The following ACSS1 variants were observed in gnomAD, a reference collection of about 807,000 sequenced individuals.
ACSS1 encodes the protein acyl-CoA synthetase short chain family member 1, also known as acetyl-coenzyme A synthetase 2-like, mitochondrial.
A neutral mutation model predicts 75.3 loss-of-function variants in ACSS1; 42 were observed. That is an observed-to-expected ratio of 0.56 (90% CI 0.44 to 0.72). The LOEUF is 0.72. ACSS1 is among the 30% of genes least tolerant of loss of function. The pLI, the probability that ACSS1 is intolerant of heterozygous loss-of-function variation, is 0.00. For missense variants in ACSS1, 782 were observed against 935.7 expected (o/e 0.84, Z 2.14); for synonymous variants, 380 against 376.8 (o/e 1.01, Z -0.10).
chr20:25,046,782 G>T (rs2089098678), intron 2 of ACSS1: 3 of 779,344 alleles, frequency 3.8e-6, no homozygotes, highest in East Asian at 2.4e-5. Flanking sequence ...GGGGCCACCT[G>T]GGGGGCCGCT....
At position 25,022,944 on chromosome 20, in the gene ACSS1, T is replaced by C. The variant is rs1329959962; in HGVS notation, c.956A>G (p.His319Arg). ...AGYLLYAALT[H>R]KLVFDHQPGD... is the part of the protein sequence containing the mutation. The stretch of plus-strand genomic sequence containing the variant: ...ACCGCCCGCACAGGCCTGTACCTTG[T>C]GAGTCAGGGCGGCATAGAGCAGGTA... The change falls in exon 5 of 14, where the codon CAC (histidine) becomes CGC (arginine). Residue 319 changes from histidine to arginine, a missense_variant. Physicochemically the swap from His to Arg is conservative, Grantham distance 29 (BLOSUM62 0). This residue lies in a region of ACSS1 where 405 missense variants were observed against 552.6 expected (regional missense o/e 0.73). Coordinates refer to ENST00000323482, the MANE Select transcript of ACSS1 (RefSeq NM_032501.4). 2 of 1,612,462 alleles carry C rather than the reference T, an allele frequency of 1.2e-6. No individual in the cohort carries two copies. Among genetic ancestry groups the C allele is most frequent in the Non-Finnish European group, 1.7e-6 (2 of 1,179,526 alleles).
chr20:25,044,367 C>G (rs1390459087), intron 2 of ACSS1, among the ~76,000 whole-genome samples: 2 of 152,234 alleles, frequency 1.3e-5, no homozygotes, highest in Middle Eastern at 3.2e-3. Context: ...GTGGCTCACA[C>G]CTGCAATCCC....
intron 12 of ACSS1, 26 bp from the exon 13 acceptor site, chr20:25,009,414 T>C (rs747784151): frequency 1.3e-6 from 2 of 1,587,516 alleles, no homozygotes; most frequent in Admixed American, 3.3e-5. Flanking sequence ...AGTTTGGGGA[T>C]GTATTAAATA....
chr20:25,052,997 ACTG>A (rs1199590465), intron 1 of ACSS1, among the ~76,000 whole-genome samples: 2 of 151,996 alleles, frequency 1.3e-5, no homozygotes, highest in African/African-American at 4.8e-5. Flanking sequence ...ACACACCCTA[ACTG>A]AAAGTGGAAC....
Position 25,006,387 on chromosome 20 carries a change from A to G in ACSS1, c.*1375T>C, listed in dbSNP as rs1282262090. 2 of 162,572 alleles carry G rather than the reference A, an allele frequency of 1.2e-5. No individual in the cohort carries two copies. Among genetic ancestry groups the G allele is most frequent in the Non-Finnish European group, 2.7e-5 (2 of 73,900 alleles). 10.1% of individuals were successfully genotyped at this position (162,572 alleles called of 1,614,324 possible). A position where few individuals can be genotyped will look rare whatever the true frequency, so the allele number is the denominator to read the frequency against. On this transcript the variant is annotated 3_prime_UTR_variant, in exon 14 of 14. Transcript: ENST00000323482. ...CACTACAGCCCCCCATGCCCAGGGC[A>G]CAGCTTTGTTGCTAAGCCTGTAACA...
intron 3 of ACSS1, among the ~76,000 whole-genome samples, chr20:25,030,230 T>C (rs1039757075): frequency 6.6e-6 from 1 of 152,160 alleles, no homozygotes; most frequent in Non-Finnish European, 1.5e-5. Flanking sequence ...AGGGCCACCA[T>C]CCAGACACTC....
chr20:25,007,638 G>T lies in ACSS1; in HGVS notation c.*124C>A, dbSNP rs1353405676. ...CCAGCTTCACGTGAGGGCGGTGTGG[G>T]TCATGTGTGGGGTGGGGGCTGCTTC... On this transcript the variant is annotated 3_prime_UTR_variant, in exon 14 of 14. Transcript: ENST00000323482. 2.6e-6 allele frequency: 4 copies of T among 1,517,870 alleles called. No homozygotes were observed. The African/African-American group carries it at 4.2e-5, about 16-fold the overall frequency. The allele number at this position is 1,517,870 out of a possible 1,614,324, so 94.0% of individuals were successfully genotyped here. A position where few individuals can be genotyped will look rare whatever the true frequency, so the allele number is the denominator to read the frequency against.
chr20:25,042,890 C>T (rs2089026393), intron 2 of ACSS1, among the ~76,000 whole-genome samples: 1 of 152,194 alleles, frequency 6.6e-6, no homozygotes, highest in South Asian at 2.1e-4. Context: ...CTCTGGTTTT[C>T]ATCCCACATG....
intron 8 of ACSS1, among the ~76,000 whole-genome samples, 194 bp downstream of exon 8, chr20:25,014,944 G>A (rs2088489224): frequency 6.6e-6 from 1 of 152,242 alleles, no homozygotes; most frequent in Non-Finnish European, 1.5e-5. Context: ...GTGACAAGAG[G>A]TCCCACAGGT....
intron 2 of ACSS1, among the ~76,000 whole-genome samples, chr20:25,042,055 T>G (rs2089013668): frequency 6.7e-6 from 1 of 148,946 alleles, no homozygotes; most frequent in South Asian, 2.2e-4. Flanking sequence ...GAATTGCCTG[T>G]GGTCGCCCCA....
intron 2 of ACSS1, among the ~76,000 whole-genome samples, chr20:25,040,827 G>A (rs957755319): frequency 6.6e-6 from 1 of 152,120 alleles, no homozygotes; most frequent in South Asian, 2.1e-4. Context: ...AAGCTGCCCA[G>A]ATGCCCCACC....
chr20:25,009,775 A>G, intron 12 of ACSS1: 1 of 181,700 alleles, frequency 5.5e-6, no homozygotes, highest in Non-Finnish European at 1.2e-5. Flanking sequence ...TGCACAGCAA[A>G]TGGGCACCAC....
chr20:25,048,120 G>C lies in ACSS1; in HGVS notation c.396C>G (p.Arg132=), dbSNP rs373555684. 63 of 1,613,688 alleles carry C rather than the reference G, an allele frequency of 3.9e-5. No homozygotes were observed. The East Asian group carries it at 7.4e-4, about 19-fold the overall frequency. Reference sequence around the variant, plus strand: ...TCCTCACTTCCGTTCCAGGCTCATCGCGCTCCCAGATCAAAGCAACGCTCT... The same window carrying C: ...TCCTCACTTCCGTTCCAGGCTCATCCCGCTCCCAGATCAAAGCAACGCTCT... ...SPESVALIWE[R]DEPGTEVRIT... is the part of the protein sequence containing the mutation. The change falls in exon 2 of 14, where the codon CGC becomes CGG. Residue 132 remains arginine (R), a synonymous_variant. Coordinates refer to ENST00000323482, the MANE Select transcript of ACSS1 (RefSeq NM_032501.4).
rs1201283514 is a variant in ACSS1 at position 25,013,537 on chromosome 20, T to C, written c.1578A>G (p.Pro526=). 1 of 1,592,462 alleles carries C rather than the reference T, an allele frequency of 6.3e-7. No homozygotes were observed. The highest frequency in any genetic ancestry group is 1.7e-5 in the Admixed American group (1 of 58,568). The change falls in exon 10 of 14, where the codon CCA becomes CCG. Residue 526 remains proline (P), a splice_region_variant and synonymous_variant. Coordinates refer to ENST00000323482, the MANE Select transcript of ACSS1 (RefSeq NM_032501.4). ...GAGGGTCCCTGACAGCCTGCTCACCTGGGTAGGCCTTGAAGTAGGCGTCCA... is the reference window on the plus strand; with the variant it reads ...GAGGGTCCCTGACAGCCTGCTCACCCGGGTAGGCCTTGAAGTAGGCGTCCA... ...RFVDAYFKAY[P]GYYFTGDGAY...
chr20:25,015,307 T>TTTTCTG, intron 7 of ACSS1, 77 bp from the exon 8 acceptor site: 1 of 1,345,530 alleles, frequency 7.4e-7, no homozygotes, highest in Non-Finnish European at 1.0e-6. Flanking sequence ...TTGTTTTTTG[T>TTTTCTG]TTTTTGTTTT....
intron 2 of ACSS1, chr20:25,031,273 C>A: frequency 2.4e-6 from 1 of 409,846 alleles, no homozygotes; most frequent in Non-Finnish European, 4.5e-6. Flanking sequence ...ATTTTAGAAT[C>A]AATTCCATCT....
intron 3 of ACSS1, among the ~76,000 whole-genome samples, chr20:25,027,249 C>G (rs2088735208): frequency 6.6e-6 from 1 of 152,188 alleles, no homozygotes; most frequent in Non-Finnish European, 1.5e-5. Context: ...TTCTCAAACT[C>G]TTCCAAAAAA....
chr20:25,013,861 C>A, intron 9 of ACSS1, 100 bp downstream of exon 9: 3 of 1,386,168 alleles, frequency 2.2e-6, no homozygotes, highest in South Asian at 1.3e-5. Flanking sequence ...CAGCCTCCTG[C>A]CAGGTACAGA....
At chr20:25,017,503 T>G (rs1391314084) in intron 7 of ACSS1, among the ~76,000 whole-genome samples, 1 of 152,140 alleles carries the variant, frequency 6.6e-6, no homozygotes, top group African/African-American at 2.4e-5. Context: ...CTGCCAACAC[T>G]GTATACCGAG....
Sources: allele counts gnomAD v4.1 joint callset (sites outside exome capture counted in the v4.1 genomes callset), GRCh38; gene constraint gnomAD v4.1.1; regional missense constraint gnomAD v4.1.1; transcripts MANE v1.5; gene names NCBI Gene and HGNC (gene_info 2026-07-23, HGNC 2026-07-21).